The following VWA8 variants were observed in gnomAD, a reference collection of about 807,000 sequenced individuals.
VWA8 encodes the protein von Willebrand factor A domain containing 8, also known as von Willebrand factor A domain-containing protein 8.
Under a neutral mutation model 241.5 loss-of-function variants are expected in VWA8, and 221 were observed. That is an observed-to-expected ratio of 0.91 (90% CI 0.82 to 1.02). The LOEUF is 1.02. VWA8 is among the 50% of genes least tolerant of loss of function. The pLI, the probability that VWA8 is intolerant of heterozygous loss-of-function variation, is 0.00. For synonymous variants in VWA8, 852 were observed against 827.1 expected, an observed-to-expected ratio of 1.03 and a Z score of -0.52; for missense variants, 2,322 against 2,328.7, an observed-to-expected ratio of 1.00 and a Z score of 0.06.
Position 41,590,842 on chromosome 13 carries a change from C to T in VWA8, c.4987-77G>A, listed in dbSNP as rs552983707. ...TCTGACATACTTTGTGCATGAATAA[C>T]AGGAAACACACCTGGGATCTTTTCA... On this transcript the variant is annotated intron_variant, in intron 40 of 44. Coordinates refer to ENST00000379310, the MANE Select transcript of VWA8 (RefSeq NM_015058.2). 3.9e-6 allele frequency: 6 copies of T among 1,555,258 alleles called. No individual in the cohort carries two copies. The African/African-American group carries it at 5.4e-5, about 14-fold the overall frequency.
At chr13:41,729,077 G>A (rs1036976314) in intron 23 of VWA8, among the ~76,000 whole-genome samples, 2 of 151,928 alleles carry the variant, frequency 1.3e-5, no homozygotes, top group South Asian at 4.2e-4. Flanking sequence ...AGGGGGGCAG[G>A]AGACAATAAA....
At chr13:41,658,244 C>T (rs75506935) in intron 37 of VWA8, among the ~76,000 whole-genome samples, 3 of 152,260 alleles carry the variant, frequency 2.0e-5, no homozygotes, top group South Asian at 2.1e-4. Context: ...GGATAGATGG[C>T]GCTCAGGAGT....
chr13:41,744,873 T>C (rs1593738476), intron 21 of VWA8, among the ~76,000 whole-genome samples: 1 of 152,202 alleles, frequency 6.6e-6, no homozygotes, highest in Non-Finnish European at 1.5e-5. Flanking sequence ...AGTCTTGCTC[T>C]GTCACCCAGG....
intron 2 of VWA8, among the ~76,000 whole-genome samples, chr13:41,931,279 TAAAAAA>T (rs67470859): frequency 7.7e-5 from 7 of 90,330 alleles, no homozygotes; most frequent in Non-Finnish European, 1.2e-4. Flanking sequence ...GACCCAGGGT[TAAAAAA>T]AAAAAAAAAA....
In VWA8 at chr13:41,611,623, C is replaced by T. The variant is rs766523205; in HGVS notation, c.4830G>A (p.Glu1610=). The change falls in exon 39 of 45, where the codon GAG becomes GAA. Residue 1610 remains glutamate, a synonymous_variant. Transcript: ENST00000379310. ...SQAEKDAVPE[E]VKRAAREMGQ... ...CCATCTCTCTAGCAGCTCTCTTGAC[C>T]TCTTCGGGAACTGCATCTTTCTCAG... is the stretch of plus-strand genomic sequence containing the variant. 18 of 1,614,006 alleles carry T rather than the reference C, an allele frequency of 1.1e-5. No individual in the cohort carries two copies. In the East Asian group the frequency reaches 4.0e-4, roughly 36 times the overall value.
Position 41,815,586 on chromosome 13 carries a change from G to A in VWA8, c.1947+1112C>T, listed in dbSNP as rs538576613. ...GAATGCTGGCAGCCACCAAAACCCA[G>A]AAGGGGCAAGGAATAGATTCTCCCC... On this transcript the variant is annotated intron_variant, in intron 16 of 44. Coordinates refer to ENST00000379310, the MANE Select transcript of VWA8 (RefSeq NM_015058.2). 2.6e-5 allele frequency among the ~76,000 whole-genome samples: 4 copies of A among 152,314 alleles called. No individual in the cohort carries two copies. The East Asian group carries it at 7.7e-4, about 29-fold the overall frequency.
intron 40 of VWA8, among the ~76,000 whole-genome samples, chr13:41,603,865 T>C (rs1273935350): frequency 2.0e-5 from 3 of 152,162 alleles, no homozygotes; most frequent in Non-Finnish European, 2.9e-5. Context: ...AATTCAAACA[T>C]TACATTCTCC....
intron 9 of VWA8, among the ~76,000 whole-genome samples, chr13:41,870,670 G>C (rs7339264): frequency 1.3e-5 from 2 of 150,494 alleles, no homozygotes; most frequent in Non-Finnish European, 3.0e-5. Context: ...AATTTAGAAC[G>C]AAGATTCATT....
chr13:41,933,759 T>C (rs956563573), intron 2 of VWA8, among the ~76,000 whole-genome samples: 6 of 151,934 alleles, frequency 3.9e-5, no homozygotes, highest in Middle Eastern at 3.2e-3. Flanking sequence ...GATATCCATA[T>C]GCAAAAAATA....
chr13:41,596,519 G>A (rs1440905634), intron 40 of VWA8, among the ~76,000 whole-genome samples: 2 of 151,924 alleles, frequency 1.3e-5, no homozygotes, highest in Non-Finnish European at 2.9e-5. Flanking sequence ...GGCCAAACAT[G>A]TTCTTTGTTA....
At chr13:41,725,839 C>T (rs1217217506) in intron 24 of VWA8, among the ~76,000 whole-genome samples, 3 of 152,194 alleles carry the variant, frequency 2.0e-5, no homozygotes, top group African/African-American at 7.2e-5. Flanking sequence ...TACATTATTA[C>T]ATCTCTAAGT....
intron 16 of VWA8, among the ~76,000 whole-genome samples, chr13:41,813,500 A>T (rs1334425654): frequency 6.6e-6 from 1 of 152,192 alleles, no homozygotes; most frequent in Non-Finnish European, 1.5e-5. Context: ...TTTTAATCAT[A>T]AAAAATATTT....
intron 12 of VWA8, among the ~76,000 whole-genome samples, chr13:41,839,966 TG>T: frequency 6.6e-6 from 1 of 152,314 alleles, no homozygotes; most frequent in East Asian, 1.9e-4. Context: ...TTGGGCAGTA[TG>T]GCCATTTTCA....
intron 1 of VWA8, among the ~76,000 whole-genome samples, chr13:41,959,291 C>A (rs186563201): frequency 6.6e-6 from 1 of 152,104 alleles, no homozygotes; most frequent in Admixed American, 6.5e-5. Flanking sequence ...AACCTACCCT[C>A]AACGACCCAT....
intron 28 of VWA8, among the ~76,000 whole-genome samples, chr13:41,700,290 ATATAT>A (rs1020448394): frequency 6.9e-4 from 105 of 151,916 alleles, no homozygotes; most frequent in African/African-American, 2.0e-3. Context: ...ATATATAATG[ATATAT>A]TATACATATC....
chr13:41,784,729 T>TATATATATATACAG, intron 18 of VWA8, among the ~76,000 whole-genome samples: 1 of 60,098 alleles, frequency 1.7e-5, no homozygotes, highest in South Asian at 5.3e-4. Flanking sequence ...TATATATATA[T>TATATATATATACAG]ACACACACAT....
chr13:41,778,888 C>T (rs1868753362), intron 19 of VWA8, among the ~76,000 whole-genome samples: 1 of 120,804 alleles, frequency 8.3e-6, no homozygotes, highest in East Asian at 2.6e-4. Flanking sequence ...ATCGCCCAGG[C>T]TGGAGTGCAG....
At chr13:41,869,432 G>A (rs938369482) in intron 9 of VWA8, among the ~76,000 whole-genome samples, 6 of 151,718 alleles carry the variant, frequency 4.0e-5, no homozygotes, top group South Asian at 2.1e-4. Context: ...TCAGGAGTTC[G>A]ACACGAGCCT....
At chr13:41,578,008 AT>A (rs1232713533) in intron 42 of VWA8, among the ~76,000 whole-genome samples, 3 of 152,224 alleles carry the variant, frequency 2.0e-5, no homozygotes, top group Non-Finnish European at 4.4e-5. Flanking sequence ...GCAACCATCC[AT>A]CTATCATTTG....
Sources: allele counts gnomAD v4.1 joint callset (sites outside exome capture counted in the v4.1 genomes callset), GRCh38; gene constraint gnomAD v4.1.1; transcripts MANE v1.5; gene names NCBI Gene and HGNC (gene_info 2026-07-23, HGNC 2026-07-21).